IREB2: variants seen among roughly 807,000 people sequenced by gnomAD.
IREB2 encodes iron-responsive element-binding protein 2.
Under a neutral mutation model 118.8 loss-of-function variants are expected in IREB2, and 39 were observed. The ratio of observed to expected loss-of-function variants is 0.33; its 90% CI spans 0.25 to 0.43. The LOEUF (loss-of-function observed/expected upper bound fraction) is 0.43, where lower values mean the gene tolerates loss of function less well. Among genes scored for constraint, IREB2 ranks in the 20% least tolerant of loss-of-function variants. The pLI, the probability that IREB2 is intolerant of heterozygous loss-of-function variation, is 1.00. For missense variants in IREB2, 900 were observed against 1,147.3 expected, an observed-to-expected ratio of 0.78 and a Z score of 3.11; for synonymous variants, 372 against 392.2, an observed-to-expected ratio of 0.95 and a Z score of 0.61.
intron 10 of IREB2, among the ~76,000 whole-genome samples, chr15:78,481,540 T>G (rs2141507257): frequency 6.7e-6 from 1 of 148,188 alleles, no homozygotes; most frequent in South Asian, 2.2e-4. Flanking sequence ...TTTTTTTTTG[T>G]ATTTTTAATA....
At chr15:78,497,367 G>A (rs1484390901) in intron 21 of IREB2, 56 bp downstream of exon 21, 2 of 1,261,618 alleles carry the variant, frequency 1.6e-6, no homozygotes, top group East Asian at 4.7e-5. Context: ...ATGAATTATT[G>A]AATAAGAATC....
chr15:78,445,288 C>T (rs1192274054), intron 2 of IREB2, among the ~76,000 whole-genome samples: 1 of 152,134 alleles, frequency 6.6e-6, no homozygotes, highest in Non-Finnish European at 1.5e-5. Context: ...CAGGCCCATG[C>T]CTTCACACCC....
At chr15:78,460,323 A>G (rs893268735) in intron 2 of IREB2, among the ~76,000 whole-genome samples, 2 of 152,236 alleles carry the variant, frequency 1.3e-5, no homozygotes, top group Non-Finnish European at 2.9e-5. Context: ...AGGAAAGATA[A>G]TATTAACTAT....
At chr15:78,492,385 A>C (rs972438442) in intron 18 of IREB2, among the ~76,000 whole-genome samples, 6 of 143,206 alleles carry the variant, frequency 4.2e-5, no homozygotes, top group African/African-American at 1.6e-4. Flanking sequence ...GATTACCAAA[A>C]ATAAAATTAC....
At chr15:78,470,463 A>G in intron 5 of IREB2, 69 bp from the exon 6 acceptor site, 1 of 928,696 alleles carries the variant, frequency 1.1e-6, no homozygotes, top group Non-Finnish European at 1.7e-6. Context: ...AAGAACGATG[A>G]CTTAGAAAGA....
In IREB2 at chr15:78,494,055, C is replaced by T. The variant is rs200306100; in HGVS notation, c.2471C>T (p.Thr824Met). 74 of 1,613,936 alleles carry T rather than the reference C, an allele frequency of 4.6e-5. No individual in the cohort carries two copies. The highest frequency in any genetic ancestry group is 3.3e-4 in the Middle Eastern group (2 of 6,062). ...PKTIHFPSGQ[T>M]LDVFEAAELY... ...ACAATTCATTTTCCATCAGGACAGA[C>T]GGTGAGAATGCAAACAAAGTATTTA... Residue 824 changes from threonine (T) to methionine (M), a missense_variant and splice_region_variant, in exon 19 of 22, where the codon ACG becomes ATG. Transcript: ENST00000258886.
At chr15:78,453,282 AAGG>A (rs2051054076) in intron 2 of IREB2, among the ~76,000 whole-genome samples, 1 of 152,136 alleles carries the variant, frequency 6.6e-6, no homozygotes, top group Admixed American at 6.5e-5. Context: ...GTGTTTCAAA[AAGG>A]AGGTAATTAT....
chr15:78,491,708 G>A (rs1202156030), intron 18 of IREB2, among the ~76,000 whole-genome samples: 1 of 152,142 alleles, frequency 6.6e-6, no homozygotes, highest in Non-Finnish European at 1.5e-5. Context: ...ATGTTGGTCA[G>A]GCTGGTATCA....
intron 7 of IREB2, 116 bp downstream of exon 7, chr15:78,472,040 CT>C: frequency 1.4e-6 from 1 of 693,026 alleles, no homozygotes; most frequent in Non-Finnish European, 2.2e-6. Context: ...TGTTTTTCAT[CT>C]GTAATAACAG....
At chr15:78,493,793 T>C in intron 18 of IREB2, 116 bp from the exon 19 acceptor site, 2 of 890,284 alleles carry the variant, frequency 2.2e-6, no homozygotes, top group Non-Finnish European at 3.4e-6. Context: ...GGTTTTGTTT[T>C]CTTTTGTGTT....
intron 2 of IREB2, 133 bp from the exon 3 acceptor site, chr15:78,462,789 A>C: frequency 1.6e-6 from 1 of 630,668 alleles, no homozygotes; most frequent in Non-Finnish European, 2.6e-6. Context: ...CTAGTTTGTC[A>C]GACTAAAAAT....
intron 16 of IREB2, among the ~76,000 whole-genome samples, chr15:78,489,966 T>C (rs889036702): frequency 6.6e-6 from 1 of 152,238 alleles, no homozygotes; most frequent in African/African-American, 2.4e-5. Context: ...TAGAAATCTT[T>C]CTAAATTCTT....
intron 5 of IREB2, among the ~76,000 whole-genome samples, chr15:78,469,491 G>A (rs1267344309): frequency 1.3e-5 from 2 of 151,768 alleles, no homozygotes; most frequent in East Asian, 1.9e-4. Flanking sequence ...AGGCTGAGGC[G>A]GGTGGATCAG....
In IREB2 at chr15:78,438,324, T is replaced by C; in HGVS notation, c.-14T>C. 6.3e-7 allele frequency: 1 copy of C among 1,588,266 alleles called. No homozygotes were observed. Among genetic ancestry groups the C allele is most frequent in the Non-Finnish European group, 8.6e-7 (1 of 1,167,906 alleles). On this transcript the variant is annotated 5_prime_UTR_variant, in exon 1 of 22. Coordinates refer to ENST00000258886, the MANE Select transcript of IREB2 (RefSeq NM_004136.4). ...GCTGGCCCCCTCCCCGGAGGGATAATATGGTCTCCGGCGATGGACGCCCCA... is the reference window on the plus strand; with the variant it reads ...GCTGGCCCCCTCCCCGGAGGGATAACATGGTCTCCGGCGATGGACGCCCCA...
intron 2 of IREB2, among the ~76,000 whole-genome samples, chr15:78,456,539 C>T (rs781777290): frequency 4.0e-5 from 6 of 151,522 alleles, no homozygotes; most frequent in Non-Finnish European, 5.9e-5. Flanking sequence ...TAGTGGTATA[C>T]GCCTGTAGCT....
At chr15:78,482,833 C>T (rs900104877) in intron 10 of IREB2, among the ~76,000 whole-genome samples, 8 of 151,954 alleles carry the variant, frequency 5.3e-5, no homozygotes, top group African/African-American at 1.7e-4. Flanking sequence ...CTGCAAGCTC[C>T]GCCTCCTGGG....
chr15:78,461,057 A>G (rs934142660), intron 2 of IREB2, among the ~76,000 whole-genome samples: 1 of 152,168 alleles, frequency 6.6e-6, no homozygotes, highest in African/African-American at 2.4e-5. Flanking sequence ...AGAACCCCAA[A>G]GCTACCTTCT....
At chr15:78,447,092 C>A (rs1319970507) in intron 2 of IREB2, among the ~76,000 whole-genome samples, 1 of 151,980 alleles carries the variant, frequency 6.6e-6, no homozygotes, top group Non-Finnish European at 1.5e-5. Context: ...CTCTTTGTTC[C>A]CTTCAGTAGG....
Position 78,498,403 on chromosome 15 carries a change from G to C in IREB2, c.*260G>C, listed in dbSNP as rs1218862744. ...AGAGACCTGTAAGTATGGGGGGGGG[G>C]CGATATTTTATCAGACCATTTTGTA... is the stretch of plus-strand genomic sequence containing the variant. On this transcript the variant is annotated 3_prime_UTR_variant, in exon 22 of 22. Transcript: ENST00000258886. The C allele has an allele frequency of 1.5e-5, 3 of 203,830 alleles. No homozygotes were observed. The highest frequency in any genetic ancestry group is 2.9e-5 in the Non-Finnish European group (3 of 103,064). 12.6% of individuals were successfully genotyped at this position (203,830 alleles called of 1,614,324 possible).
Sources: allele counts gnomAD v4.1 joint callset (sites outside exome capture counted in the v4.1 genomes callset), GRCh38; gene constraint gnomAD v4.1.1; transcripts MANE v1.5; gene names NCBI Gene and HGNC (gene_info 2026-07-23, HGNC 2026-07-21).